The following BEND3 variants were observed in gnomAD, a reference collection of about 807,000 sequenced individuals.
BEND3 encodes the protein BEN domain containing 3.
A neutral mutation model predicts 60.1 loss-of-function variants in BEND3; 13 were observed. That is an observed-to-expected ratio of 0.22 (90% confidence interval 0.14 to 0.34). BEND3 has a LOEUF of 0.34. BEND3 is among the 10% of genes least tolerant of loss of function. The probability of loss-of-function intolerance (pLI) is 1.00; values close to 1 mark genes in which losing one functional copy is unlikely to be tolerated. For missense variants in BEND3, 896 were observed against 1,138.1 expected, an observed-to-expected ratio of 0.79 and a Z score of 3.06; for synonymous variants, 497 against 491.5, an observed-to-expected ratio of 1.01 and a Z score of -0.15.
At chr6:107,108,019 T>A (rs1247259684) in intron 1 of BEND3, among the ~76,000 whole-genome samples, 1 of 152,184 alleles carries the variant, frequency 6.6e-6, no homozygotes, top group African/African-American at 2.4e-5. Flanking sequence ...GGCAGTGGCA[T>A]CCTGCCCAAG....
rs1048082432 is a variant in BEND3 at position 107,069,388 on chromosome 6, C to T, written c.1803G>A (p.Leu601=). ...GGGAGGGGTCCAGCTGCTTCTTGCCCAGGGAGCCGCTGCAGTTGTACTGCT... is the reference window on the plus strand; with the variant it reads ...GGGAGGGGTCCAGCTGCTTCTTGCCTAGGGAGCCGCTGCAGTTGTACTGCT... ...LRKQYNCSGS[L]GKKQLDPSRI... is the part of the protein sequence containing the mutation. The change falls in exon 4 of 4, where the codon CTG becomes CTA. Residue 601 remains leucine, a synonymous_variant. Transcript: ENST00000369042. 1.2e-6 allele frequency: 2 copies of T among 1,612,490 alleles called. No homozygotes were observed. Among genetic ancestry groups the T allele is most frequent in the Non-Finnish European group, 1.7e-6 (2 of 1,179,800 alleles).
chr6:107,096,774 A>G (rs1775594396), intron 3 of BEND3, among the ~76,000 whole-genome samples: 2 of 152,182 alleles, frequency 1.3e-5, no homozygotes, highest in Non-Finnish European at 1.5e-5. Flanking sequence ...GTCCTAAAAT[A>G]GCATAACTCT....
At chr6:107,090,555 T>C (rs1554235031) in intron 3 of BEND3, among the ~76,000 whole-genome samples, 1 of 152,332 alleles carries the variant, frequency 6.6e-6, no homozygotes, top group African/African-American at 2.4e-5. Context: ...ATAGCAACAA[T>C]GTAGTCAACT....
intron 3 of BEND3, among the ~76,000 whole-genome samples, chr6:107,074,853 G>A (rs914428498): frequency 6.6e-6 from 1 of 152,172 alleles, no homozygotes; most frequent in South Asian, 2.1e-4. Context: ...TATAATCCCA[G>A]CACTTTGGGA....
rs1774824121 is a variant in BEND3 at position 107,066,138 on chromosome 6, C to A, written c.*2566G>T. 6.7e-6 allele frequency: 1 copy of A among 148,414 alleles called. No individual in the cohort carries two copies. Among genetic ancestry groups the A allele is most frequent in the African/African-American group, 2.5e-5 (1 of 40,420 alleles). 9.2% of individuals were successfully genotyped at this position (148,414 alleles called of 1,614,324 possible). ...ATCCAAAAAACAAACAACTAAAAAC[C>A]AAAGAATTTAGATGTGGGGGAAGGA... On this transcript the variant is annotated 3_prime_UTR_variant, in exon 4 of 4. Coordinates refer to ENST00000369042, the MANE Select transcript of BEND3 (RefSeq NM_001367314.1).
intron 1 of BEND3, 36 bp from the exon 2 acceptor site, chr6:107,099,332 T>TATA (rs1554236501): frequency 1.3e-6 from 2 of 1,562,064 alleles, no homozygotes; most frequent in East Asian, 2.2e-5. Flanking sequence ...GTTGACTTAT[T>TATA]GCTTGATTTA....
chr6:107,087,608 G>A (rs1775379970), intron 3 of BEND3, among the ~76,000 whole-genome samples: 1 of 150,210 alleles, frequency 6.7e-6, no homozygotes, highest in South Asian at 2.1e-4. Flanking sequence ...ATGGTGGCAC[G>A]CACCTGTAAT....
At chr6:107,084,339 G>C (rs1212820841) in intron 3 of BEND3, among the ~76,000 whole-genome samples, 1 of 152,270 alleles carries the variant, frequency 6.6e-6, no homozygotes, top group African/African-American at 2.4e-5. Flanking sequence ...GTTCTACTGA[G>C]AGGTGAAGCC....
At chr6:107,077,594 C>T (rs1353508475) in intron 3 of BEND3, among the ~76,000 whole-genome samples, 1 of 152,080 alleles carries the variant, frequency 6.6e-6, no homozygotes, top group Non-Finnish European at 1.5e-5. Context: ...GGAGATAAAG[C>T]AACTATAATG....
chr6:107,113,907 G>C (rs1454199171), intron 1 of BEND3: 1 of 152,232 alleles, frequency 6.6e-6, no homozygotes, highest in Non-Finnish European at 1.5e-5. Flanking sequence ...GTAGCTTTCT[G>C]GCACTATGCC....
intron 2 of BEND3, 31 bp from the exon 3 acceptor site, chr6:107,098,784 G>T: frequency 6.3e-7 from 1 of 1,592,586 alleles, no homozygotes; most frequent in Non-Finnish European, 8.6e-7. Flanking sequence ...GGCTCAGTGG[G>T]AAAAACCAGG....
rs1415991889 is a variant in BEND3, at chr6:107,069,568, G to T, written c.1623C>A (p.Ile541=). The part of the protein sequence containing the change: ...LVPIDFDKLE[I]PQPDFEVPGA... Reference sequence around the variant, plus strand: ...CGGGCACCTCGAAGTCAGGCTGGGGGATCTCTAACTTGTCGAAGTCGATGG... The same window carrying T: ...CGGGCACCTCGAAGTCAGGCTGGGGTATCTCTAACTTGTCGAAGTCGATGG... Residue 541 remains isoleucine, a synonymous_variant, in exon 4 of 4, where the codon ATC becomes ATA. Transcript: ENST00000369042. The T allele has an allele frequency of 1.2e-6, 2 of 1,613,102 alleles. No homozygotes were observed. The highest frequency in any genetic ancestry group is 1.7e-6 in the Non-Finnish European group (2 of 1,180,022).
intron 3 of BEND3, among the ~76,000 whole-genome samples, chr6:107,080,354 CAAAAAAAA>C (rs11402351): frequency 3.6e-5 from 3 of 83,270 alleles, no homozygotes; most frequent in African/African-American, 1.4e-4. Flanking sequence ...GATCCCATCT[CAAAAAAAA>C]AAAAAAAAAA....
chr6:107,078,567 G>C (rs1347694043), intron 3 of BEND3, among the ~76,000 whole-genome samples: 1 of 8,722 alleles, frequency 1.1e-4, no homozygotes, highest in African/African-American at 4.8e-4. Context: ...CCATTCTCCT[G>C]CCTCAGCCTC....
In BEND3 at chr6:107,098,558, A is replaced by T; in HGVS notation, c.233T>A (p.Ile78Asn). 1 of 1,612,478 alleles carries T rather than the reference A, an allele frequency of 6.2e-7. No individual in the cohort carries two copies. Among genetic ancestry groups the T allele is most frequent in the African/African-American group, 1.3e-5 (1 of 75,036 alleles). Residue 78 changes from isoleucine to asparagine, a missense_variant, in exon 3 of 4, where the codon ATC becomes AAC. Physicochemically the swap from Ile to Asn is moderately radical, Grantham distance 149 (BLOSUM62 -3). Around this residue, in one of 4 missense-constraint regions of BEND3, gnomAD observed 846 missense variants for 1,036.7 expected, o/e 0.82. Coordinates refer to ENST00000369042, the MANE Select transcript of BEND3 (RefSeq NM_001367314.1). ...CAGCAGCTAGGCCCTCACCTCGGGG[A>T]TCAGCCGCCTCCTCTTCACGCCGGG... is the stretch of plus-strand genomic sequence containing the variant. ...SVPGVKRRRL[I>N]PEALLAGMRN...
At chr6:107,094,228 G>A (rs1489881530) in intron 3 of BEND3, among the ~76,000 whole-genome samples, 2 of 151,752 alleles carry the variant, frequency 1.3e-5, no homozygotes, top group Non-Finnish European at 2.9e-5. Flanking sequence ...ATTAAAACGG[G>A]CCAAAAATCT....
chr6:107,107,740 G>C (rs1342805720), intron 1 of BEND3, among the ~76,000 whole-genome samples: 1 of 152,226 alleles, frequency 6.6e-6, no homozygotes, highest in Non-Finnish European at 1.5e-5. Context: ...GGGATTACAG[G>C]TGTGAGCCAT....
chr6:107,106,571 A>T (rs140373126), intron 1 of BEND3, among the ~76,000 whole-genome samples: 1 of 152,288 alleles, frequency 6.6e-6, no homozygotes, highest in Non-Finnish European at 1.5e-5. Flanking sequence ...TTGGAGTCAG[A>T]TGGAACTGCA....
chr6:107,080,370 A>C (rs1222369945), intron 3 of BEND3, among the ~76,000 whole-genome samples: 12 of 145,268 alleles, frequency 8.3e-5, no homozygotes, highest in East Asian at 1.9e-4. Flanking sequence ...AAAAAAAAAA[A>C]AAAAAAACAA....
Sources: allele counts gnomAD v4.1 joint callset (sites outside exome capture counted in the v4.1 genomes callset), GRCh38; gene constraint gnomAD v4.1.1; regional missense constraint gnomAD v4.1.1; transcripts MANE v1.5; gene names NCBI Gene and HGNC (gene_info 2026-07-23, HGNC 2026-07-21).